RGS22: variants seen among roughly 807,000 people sequenced by gnomAD.
RGS22 encodes regulator of G protein signaling 22, also known as regulator of G-protein signaling 22.
Under a neutral mutation model 172.9 loss-of-function variants are expected in RGS22, and 148 were observed. That is an observed-to-expected ratio of 0.86 (90% CI 0.75 to 0.98). The LOEUF (loss-of-function observed/expected upper bound fraction) is 0.98. Ranked by LOEUF, RGS22 falls within the 50% of genes least tolerant of loss-of-function variation. The pLI is 0.00. For synonymous variants in RGS22, 458 were observed against 480.2 expected (o/e 0.95, Z 0.60); for missense variants, 1,347 against 1,440.8 (o/e 0.93, Z 1.05).
intron 26 of RGS22, 27 bp from the exon 27 acceptor site, chr8:99,962,470 T>A: frequency 6.2e-7 from 1 of 1,609,696 alleles, no homozygotes. Flanking sequence ...GTTTTATGTA[T>A]ATATTTAGTC....
chr8:100,075,093 T>C (rs1192692371), intron 4 of RGS22, among the ~76,000 whole-genome samples: 1 of 152,134 alleles, frequency 6.6e-6, no homozygotes, highest in Non-Finnish European at 1.5e-5. Flanking sequence ...TGTGTGAGTA[T>C]AACTTTTCAT....
intron 2 of RGS22, among the ~76,000 whole-genome samples, chr8:100,097,464 A>T (rs1368635292): frequency 2.6e-5 from 4 of 152,246 alleles, no homozygotes; most frequent in Non-Finnish European, 5.9e-5. Context: ...ATGAGATAGG[A>T]CAGCTATGTG....
chr8:100,100,371 C>T (rs887282408), intron 2 of RGS22, among the ~76,000 whole-genome samples: 1 of 151,118 alleles, frequency 6.6e-6, no homozygotes, highest in Non-Finnish European at 1.5e-5. Flanking sequence ...CTCACTGCAA[C>T]CTCCACCTCC....
intron 14 of RGS22, chr8:100,023,901 G>A (rs1298655836): frequency 1.3e-5 from 2 of 152,470 alleles, no homozygotes; most frequent in Non-Finnish European, 2.9e-5. Flanking sequence ...CTTGGGTGAA[G>A]TGGGAGGGGA....
At chr8:100,047,373 T>C in intron 11 of RGS22, 90 bp downstream of exon 11, 1 of 1,164,552 alleles carries the variant, frequency 8.6e-7, no homozygotes, top group East Asian at 2.5e-5. Flanking sequence ...AATATCAAAG[T>C]ACTAGTTTTT....
At chr8:100,098,867 TTTTA>T in intron 2 of RGS22, among the ~76,000 whole-genome samples, 1 of 5,816 alleles carries the variant, frequency 1.7e-4, no homozygotes, top group African/African-American at 6.5e-4. Context: ...ATTTTATTTA[TTTTA>T]TTTTATTTTA....
chr8:100,084,138 C>T (rs1436480214), intron 3 of RGS22, among the ~76,000 whole-genome samples: 1 of 152,144 alleles, frequency 6.6e-6, no homozygotes, highest in Non-Finnish European at 1.5e-5. Context: ...CGCCCGGCCA[C>T]ATAATTTTAG....
intron 23 of RGS22, among the ~76,000 whole-genome samples, chr8:99,976,340 A>G (rs889244772): frequency 2.0e-5 from 3 of 152,170 alleles, no homozygotes; most frequent in Non-Finnish European, 4.4e-5. Flanking sequence ...CACATGCATG[A>G]AACACTGTCT....
rs1161199568 is a variant in RGS22 at position 100,002,355 on chromosome 8, A to G, written c.2637T>C (p.Leu879=). 5.0e-6 allele frequency: 8 copies of G among 1,601,714 alleles called. No homozygotes were observed. The highest frequency in any genetic ancestry group is 6.8e-6 in the Non-Finnish European group (8 of 1,176,936). Residue 879 remains leucine (L), a synonymous_variant, in exon 18 of 28, where the codon CTT becomes CTC. Coordinates refer to ENST00000360863, the MANE Select transcript of RGS22 (RefSeq NM_015668.5). ...FLETHSSSMD[L]MCWTDIEQFR... is the part of the protein sequence containing the mutation. ...ACTGCTCAATGTCTGTCCAGCACAT[A>G]AGATCCATGCTAAAATGAAAACAAA...
intron 20 of RGS22, among the ~76,000 whole-genome samples, chr8:99,995,839 T>C (rs537803422): frequency 1.1e-4 from 16 of 152,124 alleles, no homozygotes; most frequent in Admixed American, 2.0e-4. Context: ...CTATTCACAA[T>C]AGCAAAGACT....
At chr8:100,024,254 A>G (rs1817935089) in intron 14 of RGS22, among the ~76,000 whole-genome samples, 1 of 152,202 alleles carries the variant, frequency 6.6e-6, no homozygotes, top group Non-Finnish European at 1.5e-5. Context: ...GTGAGCCACC[A>G]AGCCCAGCCA....
chr8:100,026,701 T>C (rs538546762), intron 14 of RGS22, among the ~76,000 whole-genome samples: 98 of 152,284 alleles, frequency 6.4e-4, no homozygotes, highest in African/African-American at 2.2e-3. Flanking sequence ...TAGCTGAAGA[T>C]ACTAGAAAGA....
At chr8:100,068,878 T>C (rs1219794898) in intron 6 of RGS22, among the ~76,000 whole-genome samples, 3 of 148,926 alleles carry the variant, frequency 2.0e-5, no homozygotes, top group Non-Finnish European at 4.4e-5. Context: ...AAGGCTGCAG[T>C]GAGCTGAGAT....
At chr8:100,005,569 C>A (rs538783357) in intron 16 of RGS22, among the ~76,000 whole-genome samples, 1 of 152,146 alleles carries the variant, frequency 6.6e-6, no homozygotes, top group Non-Finnish European at 1.5e-5. Flanking sequence ...ATCTTTTTAC[C>A]GTCTTCCTCA....
intron 10 of RGS22, among the ~76,000 whole-genome samples, chr8:100,048,933 C>T (rs1487841734): frequency 1.3e-5 from 2 of 152,044 alleles, no homozygotes; most frequent in East Asian, 1.9e-4. Context: ...ATAACTAATA[C>T]TATTGAACCC....
At chr8:100,062,817 T>C in intron 8 of RGS22, 65 bp from the exon 9 acceptor site, 1 of 1,266,118 alleles carries the variant, frequency 7.9e-7, no homozygotes, top group Non-Finnish European at 1.1e-6. Flanking sequence ...TACCAAAATG[T>C]AGTTGAATAT....
At chr8:100,082,680 T>C (rs1204497905) in intron 3 of RGS22, among the ~76,000 whole-genome samples, 1 of 152,170 alleles carries the variant, frequency 6.6e-6, no homozygotes, top group Non-Finnish European at 1.5e-5. Context: ...GTCTGTCTGG[T>C]CCCAAAGACA....
intron 4 of RGS22, among the ~76,000 whole-genome samples, chr8:100,076,433 T>C (rs1240547574): frequency 1.3e-5 from 2 of 152,232 alleles, no homozygotes; most frequent in African/African-American, 4.8e-5. Context: ...TTCCTTCAAA[T>C]TCCTTCATTT....
intron 21 of RGS22, among the ~76,000 whole-genome samples, chr8:99,985,493 A>G (rs1381367755): frequency 6.6e-6 from 1 of 152,188 alleles, no homozygotes; most frequent in Non-Finnish European, 1.5e-5. Context: ...TGCCAAAACC[A>G]TACCTAGTCA....
Sources: allele counts gnomAD v4.1 joint callset (sites outside exome capture counted in the v4.1 genomes callset), GRCh38; gene constraint gnomAD v4.1.1; transcripts MANE v1.5; gene names NCBI Gene and HGNC (gene_info 2026-07-23, HGNC 2026-07-21).